Variants in RARS1 observed in about 807,000 individuals in gnomAD.
The protein encoded by RARS1 is arginyl-tRNA synthetase 1.
In RARS1, 75 loss-of-function variants were observed where a neutral mutation model predicts 78.7. The ratio of observed to expected loss-of-function variants is 0.95; its 90% CI spans 0.79 to 1.15. RARS1 has a LOEUF of 1.15. RARS1 is among the 50% of genes most tolerant of loss of function. The probability of loss-of-function intolerance (pLI) is 0.00; values close to 1 mark genes in which losing one functional copy is unlikely to be tolerated. For missense variants in RARS1, 787 were observed against 787.5 expected (o/e 1.00, Z 0.01); for synonymous variants, 273 against 268.2 (o/e 1.02, Z -0.18).
intron 1 of RARS1, among the ~76,000 whole-genome samples, chr5:168,487,290 C>G (rs969272930): frequency 4.6e-5 from 7 of 151,948 alleles, no homozygotes; most frequent in African/African-American, 1.7e-4. Flanking sequence ...GGCGTGAACC[C>G]GGGAGGCGGA....
Position 168,492,855 on chromosome 5 carries a change from A to G in RARS1, c.369+8A>G. 6.3e-7 allele frequency: 1 copy of G among 1,586,422 alleles called. No individual in the cohort carries two copies. The highest frequency in any genetic ancestry group is 8.6e-7 in the Non-Finnish European group (1 of 1,156,674). On this transcript the variant is annotated splice_region_variant and intron_variant, in intron 3 of 14. Transcript: ENST00000231572. ...GCTATGGGTATTTCTCAGGTGATGT[A>G]TTGTCATGACTCTTGGCTGTTTGAT... is the stretch of plus-strand genomic sequence containing the variant.
chr5:168,504,935 A>G (rs186195141), intron 9 of RARS1, among the ~76,000 whole-genome samples: 12 of 152,256 alleles, frequency 7.9e-5, no homozygotes, highest in African/African-American at 2.9e-4. Context: ...CACAGTGAAC[A>G]TGTTCACACC....
intron 8 of RARS1, among the ~76,000 whole-genome samples, chr5:168,501,425 A>T (rs549624068): frequency 1.4e-4 from 21 of 152,144 alleles, no homozygotes; most frequent in African/African-American, 5.1e-4. Context: ...TTAAGAATTA[A>T]TTTTTTTAAA....
intron 3 of RARS1, 114 bp downstream of exon 3, chr5:168,492,961 G>T: frequency 9.6e-7 from 1 of 1,045,878 alleles, no homozygotes; most frequent in Non-Finnish European, 1.3e-6. Context: ...AAGGACATTT[G>T]CCACAGTTTG....
intron 12 of RARS1, among the ~76,000 whole-genome samples, chr5:168,515,422 G>A (rs1028981223): frequency 5.3e-5 from 8 of 152,090 alleles, no homozygotes; most frequent in Admixed American, 2.6e-4. Flanking sequence ...AAGTAGCTGC[G>A]TTACAGGCAT....
Position 168,492,775 on chromosome 5 carries a change from T to A in RARS1, c.297T>A (p.Pro99=). ...KAAYPDLENP[P]LLVTPSQQAK... The stretch of plus-strand genomic sequence containing the variant: ...CATATCCAGATTTGGAAAATCCTCC[T>A]CTGCTAGTGACACCAAGTCAGCAGG... The change falls in exon 3 of 15, where the codon CCT becomes CCA. Residue 99 remains proline (P), a synonymous_variant. Transcript: ENST00000231572. 6.2e-7 allele frequency: 1 copy of A among 1,613,946 alleles called. No individual in the cohort carries two copies. The highest frequency in any genetic ancestry group is 8.5e-7 in the Non-Finnish European group (1 of 1,179,834).
At chr5:168,509,948 G>A (rs1758533962) in intron 11 of RARS1, among the ~76,000 whole-genome samples, 1 of 152,124 alleles carries the variant, frequency 6.6e-6, no homozygotes, top group Non-Finnish European at 1.5e-5. Context: ...TCCAGCCTGG[G>A]TGACAGAGCA....
intron 8 of RARS1, among the ~76,000 whole-genome samples, chr5:168,501,455 G>A (rs1183297273): frequency 1.3e-5 from 2 of 152,084 alleles, no homozygotes; most frequent in African/African-American, 4.8e-5. Flanking sequence ...AGAAGGACAT[G>A]TTCCTTATAT....
In RARS1 at chr5:168,519,191, T is replaced by C. The variant is rs1758737630; in HGVS notation, c.*1T>C. 6 of 1,608,882 alleles carry C rather than the reference T, an allele frequency of 3.7e-6. No homozygotes were observed. ...AATAAAACCTGTCCAAAGGATGTAA[T>C]CCTTCATAGGTTTGAACACTGTGTG... On this transcript the variant is annotated 3_prime_UTR_variant, in exon 15 of 15. Transcript: ENST00000231572.
chr5:168,511,012 C>G (rs1292924860), intron 12 of RARS1, among the ~76,000 whole-genome samples: 2 of 152,102 alleles, frequency 1.3e-5, no homozygotes, highest in Non-Finnish European at 2.9e-5. Flanking sequence ...ACATCAGAGT[C>G]TACATGTGCC....
At chr5:168,517,060 A>G (rs1483831433) in intron 13 of RARS1, 110 bp downstream of exon 13, 7 of 1,161,196 alleles carry the variant, frequency 6.0e-6, no homozygotes, top group Non-Finnish European at 7.3e-6. Context: ...TTGGGCTCAA[A>G]TGATCCTCCC....
At chr5:168,487,133 T>G (rs1267589341) in intron 1 of RARS1, among the ~76,000 whole-genome samples, 1 of 151,890 alleles carries the variant, frequency 6.6e-6, no homozygotes, top group Non-Finnish European at 1.5e-5. Context: ...GAGGCCGAGG[T>G]GGGCGGATCA....
chr5:168,489,596 A>T (rs1358510676), intron 2 of RARS1, among the ~76,000 whole-genome samples: 1 of 152,066 alleles, frequency 6.6e-6, no homozygotes, highest in East Asian at 1.9e-4. Context: ...ATTTTGTTTT[A>T]AAAAAATGAA....
chr5:168,490,269 A>G (rs1758054391), intron 2 of RARS1, among the ~76,000 whole-genome samples: 1 of 152,184 alleles, frequency 6.6e-6, no homozygotes, highest in African/African-American at 2.4e-5. Flanking sequence ...CATTCATTCT[A>G]CACTTATATA....
intron 12 of RARS1, among the ~76,000 whole-genome samples, chr5:168,513,780 G>T (rs185059988): frequency 6.6e-6 from 1 of 152,028 alleles, no homozygotes; most frequent in Non-Finnish European, 1.5e-5. Context: ...GCAGTTTTTT[G>T]ATTCCACCTG....
In RARS1 at chr5:168,516,905, G is replaced by T; in HGVS notation, c.1580G>T (p.Arg527Ile). 1 of 1,614,146 alleles carries T rather than the reference G, an allele frequency of 6.2e-7. No homozygotes were observed. Among genetic ancestry groups the T allele is most frequent in the Non-Finnish European group, 8.5e-7 (1 of 1,179,986 alleles). Residue 527 changes from arginine to isoleucine, a missense_variant, in exon 13 of 15, where the codon AGA becomes ATA. Arg to Ile is a moderately conservative substitution (Grantham distance 97). Coordinates refer to ENST00000231572, the MANE Select transcript of RARS1 (RefSeq NM_002887.4). ...TCCTTTGACAAAATGCTAGATGACA[G>T]AGGAAATACAGCTGCTTACTTGTTG... is the stretch of plus-strand genomic sequence containing the variant. ...IFSFDKMLDD[R>I]GNTAAYLLYA...
chr5:168,497,205 A>C, intron 6 of RARS1, 23 bp from the exon 7 acceptor site: 1 of 1,411,296 alleles, frequency 7.1e-7, no homozygotes, highest in Middle Eastern at 1.8e-4. Flanking sequence ...AAAAATGATT[A>C]TATATTCTCT....
At chr5:168,488,559 G>T (rs1758016054) in intron 1 of RARS1, 43 bp from the exon 2 acceptor site, 1 of 1,568,964 alleles carries the variant, frequency 6.4e-7, no homozygotes, top group African/African-American at 1.4e-5. Flanking sequence ...GGGAAATGTG[G>T]AAGTAAGTTT....
chr5:168,488,860 ATTC>A, intron 2 of RARS1, 124 bp downstream of exon 2: 1 of 1,180,424 alleles, frequency 8.5e-7, no homozygotes, highest in Non-Finnish European at 1.2e-6. Context: ...TAGAAACCCT[ATTC>A]TTTTCCCTGC....
Sources: allele counts gnomAD v4.1 joint callset (sites outside exome capture counted in the v4.1 genomes callset), GRCh38; gene constraint gnomAD v4.1.1; transcripts MANE v1.5; gene names NCBI Gene and HGNC (gene_info 2026-07-23, HGNC 2026-07-21).